The following RGL1 variants were observed in gnomAD, a reference collection of about 807,000 sequenced individuals.
The protein encoded by RGL1 is ral guanine nucleotide dissociation stimulator like 1.
A neutral mutation model predicts 95.2 loss-of-function variants in RGL1; 24 were observed. The ratio of observed to expected loss-of-function variants is 0.25; its 90% CI spans 0.18 to 0.35. The LOEUF (loss-of-function observed/expected upper bound fraction) is 0.35. Among genes scored for constraint, RGL1 ranks in the 10% least tolerant of loss-of-function variants. The pLI is 1.00. For missense variants in RGL1, 715 were observed against 936.3 expected, an observed-to-expected ratio of 0.76 and a Z score of 3.08; for synonymous variants, 329 against 344.9, an observed-to-expected ratio of 0.95 and a Z score of 0.51.
At chr1:183,744,802 G>T (rs917291561) in intron 2 of RGL1, among the ~76,000 whole-genome samples, 1 of 151,724 alleles carries the variant, frequency 6.6e-6, no homozygotes, top group Non-Finnish European at 1.5e-5. Context: ...TCATTCTCTT[G>T]TTGATTAACT....
chr1:183,917,637 C>T (rs115961902), intron 16 of RGL1, among the ~76,000 whole-genome samples: 179 of 152,280 alleles, frequency 1.2e-3, no homozygotes, highest in African/African-American at 4.2e-3. Context: ...TTATTGCGTT[C>T]TAGTCATTAG....
intron 2 of RGL1, among the ~76,000 whole-genome samples, chr1:183,813,457 T>C (rs1661864551): frequency 6.6e-6 from 1 of 152,260 alleles, no homozygotes; most frequent in Non-Finnish European, 1.5e-5. Flanking sequence ...GCAGAAGCCC[T>C]GCTTGACTTC....
At chr1:183,760,611 G>A (rs1658612929) in intron 2 of RGL1, among the ~76,000 whole-genome samples, 1 of 150,296 alleles carries the variant, frequency 6.7e-6, no homozygotes, top group Admixed American at 6.6e-5. Context: ...GGGTGTGGTG[G>A]TGTGTGCATG....
At chr1:183,839,631 T>A (rs1341837337) in intron 2 of RGL1, among the ~76,000 whole-genome samples, 1 of 152,216 alleles carries the variant, frequency 6.6e-6, no homozygotes, top group Non-Finnish European at 1.5e-5. Flanking sequence ...TCCTCCACGT[T>A]GATTTCCTTG....
chr1:183,894,333 T>C (rs1667573925), intron 9 of RGL1, among the ~76,000 whole-genome samples: 1 of 152,210 alleles, frequency 6.6e-6, no homozygotes. Flanking sequence ...AAACCTTTCT[T>C]AAATGCAGAA....
chr1:183,920,441 T>G (rs941661790), intron 16 of RGL1, among the ~76,000 whole-genome samples: 10 of 152,276 alleles, frequency 6.6e-5, no homozygotes, highest in African/African-American at 2.4e-4. Flanking sequence ...GATGCACGCT[T>G]GAGCTGTGAA....
In RGL1 at chr1:183,927,678, A is replaced by G. The variant is rs193090172; in HGVS notation, c.*1386A>G. The G allele has an allele frequency of 6.5e-6, 1 of 152,760 alleles. No individual in the cohort carries two copies. The highest frequency in any genetic ancestry group is 6.5e-5 in the Admixed American group (1 of 15,304). The allele number at this position is 152,760 out of a possible 1,614,324, so 9.5% of individuals were successfully genotyped here. A position where few individuals can be genotyped will look rare whatever the true frequency, so the allele number is the denominator to read the frequency against. On this transcript the variant is annotated 3_prime_UTR_variant, in exon 18 of 18. Transcript: ENST00000360851. ...TGCTGGGGTTTGAACTAAAAGCCAT[A>G]TGTGGAATATTGACATGTGTAAGAA...
chr1:183,827,123 A>G (rs1203387991), intron 2 of RGL1, among the ~76,000 whole-genome samples: 4 of 152,294 alleles, frequency 2.6e-5, no homozygotes, highest in Admixed American at 2.0e-4. Flanking sequence ...GGGTTTTGCC[A>G]TGTTGGCCAG....
At chr1:183,771,930 C>A (rs573885618) in intron 2 of RGL1, among the ~76,000 whole-genome samples, 1 of 152,220 alleles carries the variant, frequency 6.6e-6, no homozygotes, top group East Asian at 1.9e-4. Context: ...TGAGAGGACA[C>A]GGAGGGGAAC....
intron 1 of RGL1, among the ~76,000 whole-genome samples, chr1:183,681,716 C>G (rs2102079593): frequency 6.6e-6 from 1 of 152,238 alleles, no homozygotes; most frequent in East Asian, 1.9e-4. Flanking sequence ...GAGTTCCTCT[C>G]TTTCTATTGT....
intron 1 of RGL1, chr1:183,648,185 G>A (rs769014661): frequency 3.0e-5 from 48 of 1,614,114 alleles, no homozygotes; most frequent in South Asian, 4.4e-5. Context: ...TTATAAAGCT[G>A]TGGAGAACAG....
intron 1 of RGL1, among the ~76,000 whole-genome samples, chr1:183,666,049 A>C (rs1430365765): frequency 1.6e-5 from 2 of 128,112 alleles, no homozygotes; most frequent in Admixed American, 9.1e-5. Context: ...CTTTTTGCCC[A>C]GGCTGGAGTG....
chr1:183,688,378 A>G (rs1653743546), intron 1 of RGL1, among the ~76,000 whole-genome samples: 1 of 152,134 alleles, frequency 6.6e-6, no homozygotes, highest in Non-Finnish European at 1.5e-5. Context: ...ATATAGCACC[A>G]TCAGTGAGGC....
chr1:183,776,778 A>T (rs1278822103), intron 2 of RGL1, among the ~76,000 whole-genome samples: 1 of 152,186 alleles, frequency 6.6e-6, no homozygotes, highest in Non-Finnish European at 1.5e-5. Context: ...CAGGGGTCTG[A>T]TCATGAAAGG....
chr1:183,906,602 AAC>A (rs1389858074), intron 13 of RGL1, among the ~76,000 whole-genome samples: 2 of 152,212 alleles, frequency 1.3e-5, no homozygotes, highest in African/African-American at 2.4e-5. Context: ...CATGTGCACA[AAC>A]ACACATACAA....
intron 2 of RGL1, among the ~76,000 whole-genome samples, chr1:183,788,279 G>A (rs1660277394): frequency 6.6e-6 from 1 of 152,178 alleles, no homozygotes; most frequent in Non-Finnish European, 1.5e-5. Flanking sequence ...AGCCAATGAT[G>A]TAAATCCCAG....
At chr1:183,698,693 C>T (rs1654399192) in intron 1 of RGL1, among the ~76,000 whole-genome samples, 1 of 152,184 alleles carries the variant, frequency 6.6e-6, no homozygotes, top group East Asian at 1.9e-4. Flanking sequence ...TGACATTATC[C>T]AATATAGTTT....
At chr1:183,747,694 G>A (rs1390187959) in intron 2 of RGL1, among the ~76,000 whole-genome samples, 1 of 152,196 alleles carries the variant, frequency 6.6e-6, no homozygotes, top group Non-Finnish European at 1.5e-5. Flanking sequence ...CAACTTGATT[G>A]TGATGGATAA....
chr1:183,672,655 T>C (rs1446322895), intron 1 of RGL1, among the ~76,000 whole-genome samples: 1 of 152,228 alleles, frequency 6.6e-6, no homozygotes. Flanking sequence ...CATTTCTACA[T>C]GCTTTAGGGA....
Sources: allele counts gnomAD v4.1 joint callset (sites outside exome capture counted in the v4.1 genomes callset), GRCh38; gene constraint gnomAD v4.1.1; transcripts MANE v1.5; gene names NCBI Gene and HGNC (gene_info 2026-07-23, HGNC 2026-07-21).